Variants in FNDC3B observed in about 807,000 individuals in gnomAD.
FNDC3B encodes fibronectin type III domain-containing protein 3B.
A neutral mutation model predicts 151.5 loss-of-function variants in FNDC3B; 12 were observed. That is an observed-to-expected ratio of 0.08 (90% CI 0.05 to 0.13). The LOEUF (loss-of-function observed/expected upper bound fraction) is 0.13, where lower values mean the gene tolerates loss of function less well. Among genes scored for constraint, FNDC3B ranks in the 10% least tolerant of loss-of-function variants. The pLI, the probability that FNDC3B is intolerant of heterozygous loss-of-function variation, is 1.00. For missense variants in FNDC3B, 1,214 were observed against 1,505.3 expected (o/e 0.81, Z 3.20); for synonymous variants, 528 against 549.0 (o/e 0.96, Z 0.54).
chr3:172,333,025 T>A, intron 13 of FNDC3B, 64 bp from the exon 14 acceptor site: 1 of 990,346 alleles, frequency 1.0e-6, no homozygotes, highest in East Asian at 2.4e-5. Flanking sequence ...AAATCCTGTA[T>A]TCAAAGGTAT....
intron 3 of FNDC3B, among the ~76,000 whole-genome samples, chr3:172,135,570 T>A (rs1721317541): frequency 6.6e-6 from 1 of 152,198 alleles, no homozygotes; most frequent in African/African-American, 2.4e-5. Flanking sequence ...AAGTCTCAGA[T>A]ACTATGGTTA....
At chr3:172,137,190 C>T (rs1410096877) in intron 3 of FNDC3B, among the ~76,000 whole-genome samples, 1 of 152,124 alleles carries the variant, frequency 6.6e-6, no homozygotes, top group Non-Finnish European at 1.5e-5. Context: ...GGTTGCTGGG[C>T]CTTCCTGGAA....
chr3:172,224,023 G>T (rs1465521746), intron 3 of FNDC3B, among the ~76,000 whole-genome samples: 1 of 152,216 alleles, frequency 6.6e-6, no homozygotes, highest in African/African-American at 2.4e-5. Context: ...TCAAGGTCAC[G>T]CAACCAGTGT....
chr3:172,293,059 C>A (rs755249122), intron 7 of FNDC3B, among the ~76,000 whole-genome samples: 1 of 152,196 alleles, frequency 6.6e-6, no homozygotes, highest in Non-Finnish European at 1.5e-5. Context: ...TGCCATGAGG[C>A]CCCTCATGTG....
chr3:172,279,117 C>T (rs1360583511), intron 6 of FNDC3B, among the ~76,000 whole-genome samples: 2 of 151,516 alleles, frequency 1.3e-5, no homozygotes, highest in Non-Finnish European at 2.9e-5. Context: ...CTCTTATTAC[C>T]CCAGGTGTTA....
intron 3 of FNDC3B, among the ~76,000 whole-genome samples, chr3:172,169,191 A>C (rs1723168232): frequency 6.6e-6 from 1 of 152,118 alleles, no homozygotes; most frequent in South Asian, 2.1e-4. Context: ...TGTCTGTCCA[A>C]AAGGTGCTTT....
intron 1 of FNDC3B, among the ~76,000 whole-genome samples, chr3:172,060,893 A>G (rs1213842970): frequency 2.6e-5 from 4 of 152,236 alleles, no homozygotes; most frequent in Non-Finnish European, 4.4e-5. Context: ...GGAACTTTCA[A>G]TCAAGAGGAA....
At chr3:172,166,827 C>T (rs892853047) in intron 3 of FNDC3B, among the ~76,000 whole-genome samples, 5 of 17,844 alleles carry the variant, frequency 2.8e-4, no homozygotes, top group African/African-American at 8.4e-4. Context: ...CAGAATTTGG[C>T]GGGTGGGTGG....
intron 21 of FNDC3B, among the ~76,000 whole-genome samples, chr3:172,350,189 A>T (rs1733794308): frequency 6.6e-6 from 1 of 152,208 alleles, no homozygotes; most frequent in Non-Finnish European, 1.5e-5. Flanking sequence ...TGTTGGCCTG[A>T]TACTCTGCCA....
At chr3:172,216,443 G>T (rs1725979054) in intron 3 of FNDC3B, among the ~76,000 whole-genome samples, 1 of 152,130 alleles carries the variant, frequency 6.6e-6, no homozygotes, top group Admixed American at 6.5e-5. Flanking sequence ...GAGGTGGGAG[G>T]ATCGCTTGAG....
chr3:172,304,768 G>C (rs1731109180), intron 9 of FNDC3B, among the ~76,000 whole-genome samples: 3 of 152,092 alleles, frequency 2.0e-5, no homozygotes, highest in Admixed American at 2.0e-4. Flanking sequence ...ATGATGGCAA[G>C]TGCCTGTAAT....
chr3:172,042,975 C>T (rs1481979825), intron 1 of FNDC3B, among the ~76,000 whole-genome samples: 1 of 152,076 alleles, frequency 6.6e-6, no homozygotes, highest in African/African-American at 2.4e-5. Context: ...AGTGCAGTGG[C>T]GCGGTCTCGG....
At chr3:172,089,879 TCCCA>T (rs1718721472) in intron 1 of FNDC3B, among the ~76,000 whole-genome samples, 1 of 152,150 alleles carries the variant, frequency 6.6e-6, no homozygotes, top group African/African-American at 2.4e-5. Flanking sequence ...GGGAATGAAT[TCCCA>T]GGTCGGCCAT....
At chr3:172,275,407 A>G (rs1729386070) in intron 6 of FNDC3B, among the ~76,000 whole-genome samples, 1 of 152,224 alleles carries the variant, frequency 6.6e-6, no homozygotes, top group Non-Finnish European at 1.5e-5. Flanking sequence ...TGCAGGGCTT[A>G]AGAGAATCCT....
At chr3:172,393,533 GTA>G (rs1416622228) in intron 25 of FNDC3B, among the ~76,000 whole-genome samples, 1 of 152,120 alleles carries the variant, frequency 6.6e-6, no homozygotes, top group East Asian at 1.9e-4. Flanking sequence ...AACAGCAACT[GTA>G]TACACATCCT....
rs961740445 is a variant in FNDC3B, at chr3:172,044,947, T to C, written c.-29+5176T>C. 3.3e-5 allele frequency among the ~76,000 whole-genome samples: 5 copies of C among 152,352 alleles called. No individual in the cohort carries two copies. The South Asian group carries it at 6.2e-4, about 19-fold the overall frequency. Reference sequence around the variant, plus strand: ...TCAAGGAGTGACTTTACTTTCTAGCTGGGTCCTTGATAAGCTTTTGAATCT... The same window carrying C: ...TCAAGGAGTGACTTTACTTTCTAGCCGGGTCCTTGATAAGCTTTTGAATCT... On this transcript the variant is annotated intron_variant, in intron 1 of 25. Coordinates refer to ENST00000415807, the MANE Select transcript of FNDC3B (RefSeq NM_022763.4).
At chr3:172,107,805 C>T (rs756932197) in intron 1 of FNDC3B, among the ~76,000 whole-genome samples, 31 of 151,860 alleles carry the variant, frequency 2.0e-4, no homozygotes, top group East Asian at 1.9e-4. Flanking sequence ...ACAATCTGGC[C>T]GCTCAGCCCA....
At chr3:172,272,445 T>C (rs1729242430) in intron 6 of FNDC3B, among the ~76,000 whole-genome samples, 1 of 152,116 alleles carries the variant, frequency 6.6e-6, no homozygotes, top group Admixed American at 6.5e-5. Flanking sequence ...AGACCACATC[T>C]CTGGTCAGTG....
chr3:172,355,309 G>A (rs919420421), intron 22 of FNDC3B, among the ~76,000 whole-genome samples: 1 of 152,154 alleles, frequency 6.6e-6, no homozygotes, highest in Non-Finnish European at 1.5e-5. Context: ...GACAGGGGCA[G>A]TGGTTCTAGC....
Sources: gnomAD v4.1 joint callset for allele counts (sites outside exome capture counted in the v4.1 genomes callset) on GRCh38, gnomAD v4.1.1 for gene constraint, MANE v1.5 for transcripts, NCBI Gene and HGNC (gene_info 2026-07-23, HGNC 2026-07-21) for gene names.